Variants in SLC4A8 observed in about 807,000 individuals in gnomAD.
SLC4A8 encodes the protein solute carrier family 4 member 8.
In SLC4A8, 40 loss-of-function variants were observed where a neutral mutation model predicts 125.0. The ratio of observed to expected loss-of-function variants is 0.32; its 90% CI spans 0.25 to 0.42. The LOEUF (loss-of-function observed/expected upper bound fraction) is 0.42. Ranked by LOEUF, SLC4A8 falls within the 10% of genes least tolerant of loss-of-function variation. SLC4A8 has a pLI of 1.00. For missense variants in SLC4A8, 863 were observed against 1,355.1 expected (o/e 0.64, Z 5.70); for synonymous variants, 456 against 476.0 (o/e 0.96, Z 0.55).
intron 16 of SLC4A8, among the ~76,000 whole-genome samples, chr12:51,477,898 A>C (rs1191084150): frequency 6.6e-6 from 1 of 152,206 alleles, no homozygotes; most frequent in Non-Finnish European, 1.5e-5. Flanking sequence ...AGGGAGGCCG[A>C]GGTAGGTGGA....
chr12:51,410,767 T>A (rs1948577341), intron 1 of SLC4A8, among the ~76,000 whole-genome samples: 1 of 152,278 alleles, frequency 6.6e-6, no homozygotes, highest in South Asian at 2.1e-4. Flanking sequence ...GCCAATCATT[T>A]TTTAATTAGA....
At chr12:51,465,933 G>T (rs1389593494) in intron 11 of SLC4A8, among the ~76,000 whole-genome samples, 2 of 152,084 alleles carry the variant, frequency 1.3e-5, no homozygotes, top group Non-Finnish European at 2.9e-5. Context: ...CATTAGTCTG[G>T]GTTTTATAAT....
Position 51,471,525 on chromosome 12 carries a change from C to G in SLC4A8, c.1897C>G (p.Leu633Val). 6.2e-7 allele frequency: 1 copy of G among 1,613,638 alleles called. No individual in the cohort carries two copies. Among genetic ancestry groups the G allele is most frequent in the Non-Finnish European group, 8.5e-7 (1 of 1,179,772 alleles). The change falls in exon 14 of 25, where the codon CTC becomes GTC. Residue 633 changes from leucine to valine, a missense_variant. Physicochemically the swap from Leu to Val is conservative, Grantham distance 32. Coordinates refer to ENST00000453097, the MANE Select transcript of SLC4A8 (RefSeq NM_001039960.3). ...GCACAGCCAGCTGGACCACCTTAGCCTCTATTAGTAAGTGTGCTTTCTGCT... is the reference window on the plus strand; with the variant it reads ...GCACAGCCAGCTGGACCACCTTAGCGTCTATTAGTAAGTGTGCTTTCTGCT... ...HMHSQLDHLSLYYCRCTLPEN... is the reference protein window; with the variant it reads ...HMHSQLDHLSVYYCRCTLPEN...
intron 1 of SLC4A8, among the ~76,000 whole-genome samples, chr12:51,404,173 G>A (rs1345076198): frequency 2.6e-5 from 4 of 152,140 alleles, no homozygotes; most frequent in East Asian, 1.9e-4. Context: ...CTACATGAAG[G>A]GGTTAGATGG....
At chr12:51,421,566 C>G (rs182648327), upstream of SLC4A8, among the ~76,000 whole-genome samples, 47 of 152,214 alleles carry the variant, frequency 3.1e-4, no homozygotes, top group East Asian at 5.2e-3. Flanking sequence ...CACTACTTCT[C>G]AATTCCTTTC....
intron 15 of SLC4A8, 32 bp downstream of exon 15, chr12:51,474,479 T>C (rs1263563840): frequency 1.2e-6 from 2 of 1,604,440 alleles, no homozygotes; most frequent in Non-Finnish European, 1.7e-6. Flanking sequence ...TGTCCTAGCA[T>C]TGTGACCACA....
upstream of SLC4A8, among the ~76,000 whole-genome samples, chr12:51,424,007 G>A (rs1948859355): frequency 8.1e-6 from 1 of 123,420 alleles, no homozygotes; most frequent in Non-Finnish European, 1.6e-5. Context: ...TTGCACTCCA[G>A]CCTGGGCAAC....
chr12:51,480,487 G>A (rs1236584679), intron 16 of SLC4A8: 2 of 1,037,160 alleles, frequency 1.9e-6, no homozygotes, highest in Non-Finnish European at 2.3e-6. Context: ...GAGACATGGT[G>A]GTATAATTGT....
At position 51,430,200 on chromosome 12, in the gene SLC4A8, A is replaced by G. The variant is rs529936397; in HGVS notation, c.48+5165A>G. Among the ~76,000 whole-genome samples the G allele has an allele frequency of 4.8e-4, 73 of 152,256 alleles. No individual in the cohort carries two copies. In the Middle Eastern group the frequency reaches 0.02, roughly 43 times the overall value. Reference sequence around the variant, plus strand: ...GGGTGATAATTGAGAAACATGGCTGATAGGAGTAGAGTTACACCCCATGTC... The same window carrying G: ...GGGTGATAATTGAGAAACATGGCTGGTAGGAGTAGAGTTACACCCCATGTC... On this transcript the variant is annotated intron_variant, in intron 1 of 24. Coordinates refer to ENST00000453097, the MANE Select transcript of SLC4A8 (RefSeq NM_001039960.3).
chr12:51,480,528 G>A (rs1034559436), intron 16 of SLC4A8: 17 of 993,156 alleles, frequency 1.7e-5, no homozygotes, highest in Non-Finnish European at 1.9e-5. Context: ...ATGTTCATGT[G>A]AAAGATAGTA....
chr12:51,474,839 T>C (rs758106515), intron 15 of SLC4A8, among the ~76,000 whole-genome samples: 2 of 152,180 alleles, frequency 1.3e-5, no homozygotes, highest in Non-Finnish European at 2.9e-5. Context: ...AGAACAGTTC[T>C]ATGTCTTAGG....
chr12:51,441,331 T>C (rs368614102), intron 2 of SLC4A8, among the ~76,000 whole-genome samples: 51 of 152,336 alleles, frequency 3.3e-4, no homozygotes, highest in African/African-American at 1.1e-3. Context: ...ATCAAAGTTA[T>C]ATAAAAGCCC....
intron 16 of SLC4A8, 117 bp downstream of exon 16, chr12:51,475,323 G>A (rs1950827488): frequency 7.7e-6 from 7 of 914,878 alleles, no homozygotes; most frequent in African/African-American, 1.6e-5. Flanking sequence ...CGGATGTCCT[G>A]ATGAGCCACA....
chr12:51,436,283 A>G (rs146779772), intron 1 of SLC4A8, among the ~76,000 whole-genome samples: 13 of 152,294 alleles, frequency 8.5e-5, no homozygotes, highest in African/African-American at 3.1e-4. Context: ...GATAACCAAA[A>G]AACAGTTTCA....
chr12:51,408,329 A>C (rs1447282979), intron 1 of SLC4A8, among the ~76,000 whole-genome samples: 1 of 152,110 alleles, frequency 6.6e-6, no homozygotes, highest in Non-Finnish European at 1.5e-5. Context: ...CCCTGGGTTC[A>C]AGTGACTCTC....
intron 21 of SLC4A8, among the ~76,000 whole-genome samples, chr12:51,495,642 A>AT (rs1951443170): frequency 6.6e-6 from 1 of 150,662 alleles, no homozygotes; most frequent in South Asian, 2.1e-4. Flanking sequence ...CACCCAGCTA[A>AT]TTTTTTTTGT....
In SLC4A8 at chr12:51,513,344, T is replaced by C. The variant is rs1938427968; in HGVS notation, c.*5906T>C. On this transcript the variant is annotated 3_prime_UTR_variant, in exon 25 of 25. Transcript: ENST00000453097. ...TACAGCTCCTGTCCCCATCTCTTTA[T>C]GTGTAGAGACCTGGATTTGGGGTAG... 6.6e-6 allele frequency: 1 copy of C among 152,268 alleles called. No homozygotes were observed. Among genetic ancestry groups the C allele is most frequent in the Middle Eastern group, 3.2e-3 (1 of 316 alleles). The allele number at this position is 152,268 out of a possible 1,614,324, so 9.4% of individuals were successfully genotyped here.
intron 1 of SLC4A8, among the ~76,000 whole-genome samples, chr12:51,417,367 G>C (rs1482638260): frequency 1.3e-5 from 2 of 150,162 alleles, no homozygotes; most frequent in Non-Finnish European, 3.0e-5. Context: ...TTTTTTTTGA[G>C]ATGGAGTCTT....
chr12:51,413,707 T>C (rs1361135046), intron 1 of SLC4A8, among the ~76,000 whole-genome samples: 2 of 152,248 alleles, frequency 1.3e-5, no homozygotes, highest in African/African-American at 2.4e-5. Context: ...CATGCCTTTG[T>C]TGAAAATCAG....
Sources: gnomAD v4.1 joint callset for allele counts (sites outside exome capture counted in the v4.1 genomes callset) on GRCh38, gnomAD v4.1.1 for gene constraint, MANE v1.5 for transcripts, NCBI Gene and HGNC (gene_info 2026-07-23, HGNC 2026-07-21) for gene names.